The following KCNQ1 variants were observed in gnomAD, a reference collection of about 807,000 sequenced individuals.
KCNQ1 encodes the protein potassium voltage-gated channel subfamily Q member 1.
In KCNQ1, 49 loss-of-function variants were observed where a neutral mutation model predicts 72.4. The observed-to-expected ratio is 0.68, with a 90% CI of 0.54 to 0.86. The LOEUF is 0.86. KCNQ1 is among the 40% of genes least tolerant of loss of function. The pLI is 0.00. For synonymous variants in KCNQ1, 450 were observed against 412.6 expected (o/e 1.09, Z -1.10); for missense variants, 790 against 945.1 (o/e 0.84, Z 2.15).
chr11:2,678,566 G>T lies in KCNQ1; in HGVS notation c.1514+16485G>T, dbSNP rs545380035. ...GCCAGAGCTCAGTTATTTTAATTATGTAACTTTATGATGCACTTATCTGTG... is the reference window on the plus strand; with the variant it reads ...GCCAGAGCTCAGTTATTTTAATTATTTAACTTTATGATGCACTTATCTGTG... On this transcript the variant is annotated intron_variant, in intron 11 of 15. Coordinates refer to ENST00000155840, the MANE Select transcript of KCNQ1 (RefSeq NM_000218.3). This position sits in a 1 kb window ranked among gnomAD's most constrained non-coding sequence, Gnocchi z 4.9. 3.3e-5 allele frequency: 13 copies of T among 398,580 alleles called. No individual in the cohort carries two copies. In the South Asian group the frequency reaches 1.7e-3, roughly 51 times the overall value. 24.7% of individuals were successfully genotyped at this position (398,580 alleles called of 1,614,324 possible). A position where few individuals can be genotyped will look rare whatever the true frequency, so the allele number is the denominator to read the frequency against.
At chr11:2,820,280 C>CTAAGATT (rs1294662861) in intron 15 of KCNQ1, among the ~76,000 whole-genome samples, 1 of 152,200 alleles carries the variant, frequency 6.6e-6, no homozygotes, top group Non-Finnish European at 1.5e-5. Flanking sequence ...TAAATCCATC[C>CTAAGATT]TAAGATTTTC....
At position 2,691,696 on chromosome 11, in the gene KCNQ1, C is replaced by T. The variant is rs1850591042; in HGVS notation, c.1514+29615C>T. On this transcript the variant is annotated intron_variant, in intron 11 of 15. Coordinates refer to ENST00000155840, the MANE Select transcript of KCNQ1 (RefSeq NM_000218.3). This position sits in a 1 kb window ranked among gnomAD's most constrained non-coding sequence, Gnocchi z 6.4. ...ACCAGGTGGGGAAGGGGTCTCTCCC[C>T]ATCTGTCCAGGGGAGAGGCAGCCCA... is the stretch of plus-strand genomic sequence containing the variant. The T allele has an allele frequency of 5.0e-6, 2 of 398,428 alleles. No homozygotes were observed. Among genetic ancestry groups the T allele is most frequent in the Admixed American group, 4.4e-5 (1 of 22,710 alleles). The allele number at this position is 398,428 out of a possible 1,614,324, so 24.7% of individuals were successfully genotyped here.
chr11:2,469,819 G>A (rs1043425042), intron 1 of KCNQ1, among the ~76,000 whole-genome samples: 3 of 151,582 alleles, frequency 2.0e-5, no homozygotes, highest in African/African-American at 4.8e-5. Flanking sequence ...GACTACAGGC[G>A]CCCGCCACTG....
At chr11:2,585,670 T>C (rs1848582795) in intron 8 of KCNQ1, among the ~76,000 whole-genome samples, 1 of 152,152 alleles carries the variant, frequency 6.6e-6, no homozygotes, top group African/African-American at 2.4e-5. Context: ...GGCCAGGTGA[T>C]TGTCCCCAAG....
At chr11:2,666,919 A>G (rs1850081965) in intron 11 of KCNQ1, 1 of 398,672 alleles carries the variant, frequency 2.5e-6, no homozygotes, top group African/African-American at 2.1e-5. Context: ...TGTCTTCTGC[A>G]AAGCTCCAGA....
intron 1 of KCNQ1, among the ~76,000 whole-genome samples, chr11:2,496,494 G>GTTTTTTTTT (rs1184873196): frequency 1.0e-4 from 2 of 19,918 alleles, no homozygotes; most frequent in African/African-American, 1.7e-4. Flanking sequence ...CACAACCCCT[G>GTTTTTTTTT]CTTTTTTTTT....
intron 11 of KCNQ1, among the ~76,000 whole-genome samples, chr11:2,716,720 G>A (rs76194904): frequency 1.3e-5 from 2 of 152,364 alleles, no homozygotes; most frequent in East Asian, 3.9e-4. Flanking sequence ...TGAAAGGCAC[G>A]GGCAGCGCGG....
chr11:2,703,063 G>C lies in KCNQ1; in HGVS notation c.1514+40982G>C, dbSNP rs980376971. ...AAGAGACACGTGGGAATTGGCTAGA[G>C]AAGCATGTGAGGCTGGGCGGACTCC... On this transcript the variant is annotated intron_variant, in intron 11 of 15. Transcript: ENST00000155840. The surrounding 1 kb of genome is among the most constrained non-coding windows in gnomAD (Gnocchi z 6.4). Among the ~76,000 whole-genome samples, 19 of 152,324 alleles carry C rather than the reference G, an allele frequency of 1.2e-4. No homozygotes were observed. Among genetic ancestry groups the C allele is most frequent in the Admixed American group, 3.3e-4 (5 of 15,304 alleles).
At chr11:2,610,750 T>C in intron 10 of KCNQ1, 1 of 376,842 alleles carries the variant, frequency 2.7e-6, no homozygotes, top group Non-Finnish European at 4.6e-6. Context: ...TTTTTTACTT[T>C]GAGCACTTGG....
chr11:2,521,867 G>A (rs1228067019), intron 1 of KCNQ1, among the ~76,000 whole-genome samples: 2 of 152,228 alleles, frequency 1.3e-5, no homozygotes, highest in South Asian at 2.1e-4. Context: ...CCACTCAGGG[G>A]CCCTAGTGTG....
chr11:2,584,943 C>A (rs1191271721), intron 7 of KCNQ1, among the ~76,000 whole-genome samples: 2 of 152,164 alleles, frequency 1.3e-5, no homozygotes, highest in African/African-American at 4.8e-5. Context: ...GCCCACCTGG[C>A]CCCCAGAATG....
intron 1 of KCNQ1, among the ~76,000 whole-genome samples, chr11:2,452,016 C>G (rs1453425291): frequency 6.6e-6 from 1 of 152,214 alleles, no homozygotes; most frequent in Non-Finnish European, 1.5e-5. Context: ...AGGACTGTCC[C>G]CTTTGAGAGT....
rs536454891 is a variant in KCNQ1 at position 2,543,093 on chromosome 11, G to T, written c.477+15075G>T. Among the ~76,000 whole-genome samples, 106 of 152,148 alleles carry T rather than the reference G, an allele frequency of 7.0e-4. No individual in the cohort carries two copies. The highest frequency in any genetic ancestry group is 2.3e-3 in the African/African-American group (96 of 41,450). On this transcript the variant is annotated intron_variant, in intron 2 of 15. Transcript: ENST00000155840. The surrounding 1 kb of genome is among the most constrained non-coding windows in gnomAD (Gnocchi z 5.6). ...CCAGTGATGTTGAATATCTTTTCAC[G>T]TGTTTCATTGGCATCCAGGAAACAT...
At position 2,481,364 on chromosome 11, in the gene KCNQ1, C is replaced by T. The variant is rs966249408; in HGVS notation, c.386+35880C>T. On this transcript the variant is annotated intron_variant, in intron 1 of 15. Transcript: ENST00000155840. This position sits in a 1 kb window ranked among gnomAD's most constrained non-coding sequence, Gnocchi z 4.6. ...CTTTTTCTCGGCGTGTGTGTGTGCG[C>T]GCGTGCATGCACATGTTTCTACTTG... Among the ~76,000 whole-genome samples, 8 of 152,160 alleles carry T rather than the reference C, an allele frequency of 5.3e-5. No homozygotes were observed. Among genetic ancestry groups the T allele is most frequent in the African/African-American group, 9.6e-5 (4 of 41,496 alleles).
rs561673465 is a variant in KCNQ1 at position 2,663,586 on chromosome 11, C to T, written c.1514+1505C>T. On this transcript the variant is annotated intron_variant, in intron 11 of 15. Transcript: ENST00000155840. This position sits in a 1 kb window ranked among gnomAD's most constrained non-coding sequence, Gnocchi z 5.2. Reference sequence around the variant, plus strand: ...GCTGCTTGCTTCTCCTGTTGGAGCTCTCGCTCACCTTGGTTCTCTTGGTCA... The same window carrying T: ...GCTGCTTGCTTCTCCTGTTGGAGCTTTCGCTCACCTTGGTTCTCTTGGTCA... 1.1e-3 allele frequency: 452 copies of T among 398,650 alleles called. 1 individual carries two copies. Among genetic ancestry groups the T allele is most frequent in the Non-Finnish European group, 1.8e-3 (407 of 226,116 alleles). The allele number at this position is 398,650 out of a possible 1,614,324, so 24.7% of individuals were successfully genotyped here.
chr11:2,811,446 C>T (rs515774), intron 15 of KCNQ1, among the ~76,000 whole-genome samples: 4 of 152,374 alleles, frequency 2.6e-5, no homozygotes, highest in South Asian at 4.1e-4. Flanking sequence ...TGGGCCTGCA[C>T]GCATGAGGCT....
At chr11:2,775,912 G>A (rs1846685703) in intron 12 of KCNQ1, 48 bp from the exon 13 acceptor site, 2 of 1,533,158 alleles carry the variant, frequency 1.3e-6, no homozygotes, top group African/African-American at 2.7e-5. Context: ...TGAGCCACAT[G>A]GCTGGGGCAC....
intron 1 of KCNQ1, 110 bp from the exon 2 acceptor site, chr11:2,527,818 T>C: frequency 2.2e-6 from 2 of 897,766 alleles, no homozygotes; most frequent in Admixed American, 1.8e-5. Context: ...CGAAGCACTG[T>C]CTGTTCCTAC....
intron 1 of KCNQ1, among the ~76,000 whole-genome samples, chr11:2,485,846 T>C (rs1846732436): frequency 6.6e-6 from 1 of 152,264 alleles, no homozygotes; most frequent in Non-Finnish European, 1.5e-5. Flanking sequence ...GAAAGTTCAC[T>C]CATGCTGTAG....
Sources: gnomAD v4.1 joint callset for allele counts (sites outside exome capture counted in the v4.1 genomes callset) on GRCh38, gnomAD v4.1.1 for gene constraint, Gnocchi (gnomAD v3.1) non-coding constraint, MANE v1.5 for transcripts, NCBI Gene and HGNC (gene_info 2026-07-23, HGNC 2026-07-21) for gene names.